The following RAB11FIP5 variants were observed in gnomAD, a reference collection of about 807,000 sequenced individuals.
RAB11FIP5 encodes the protein rab11 family-interacting protein 5.
Under a neutral mutation model 85.1 loss-of-function variants are expected in RAB11FIP5, and 48 were observed. That is an observed-to-expected ratio of 0.56 (90% CI 0.45 to 0.72). The LOEUF (loss-of-function observed/expected upper bound fraction) is 0.72. Among genes scored for constraint, RAB11FIP5 ranks in the 30% least tolerant of loss-of-function variants. The pLI is 0.00. For synonymous variants in RAB11FIP5, 729 were observed against 727.3 expected, an observed-to-expected ratio of 1.00 and a Z score of -0.04; for missense variants, 1,491 against 1,687.0, an observed-to-expected ratio of 0.88 and a Z score of 2.04.
chr2:73,109,628 C>T (rs1194412159), intron 1 of RAB11FIP5, among the ~76,000 whole-genome samples: 2 of 152,306 alleles, frequency 1.3e-5, no homozygotes, highest in African/African-American at 4.8e-5. Context: ...GAGCTGCGGG[C>T]TTATCTGAGC....
Position 73,112,464 on chromosome 2 carries a change from G to T in RAB11FIP5, c.314C>A (p.Ala105Asp), listed in dbSNP as rs1270315071. ...CATGGTGGTGAGCACCAGCTCGCAG[G>T]CGGCGGCGGAGCTCGCGGCCCAGGG... The part of the protein sequence containing the change: ...PAPWAASSAA[A>D]CELVLTTMHR... Residue 105 changes from alanine to aspartate, a missense_variant, in exon 1 of 6, where the codon GCC (alanine) becomes GAC (aspartate). Transcript: ENST00000486777. 1 of 1,490,786 alleles carries T rather than the reference G, an allele frequency of 6.7e-7. No homozygotes were observed. The allele number at this position is 1,490,786 out of a possible 1,614,324, so 92.3% of individuals were successfully genotyped here.
chr2:73,095,325 T>C (rs906683755), intron 1 of RAB11FIP5, among the ~76,000 whole-genome samples: 7 of 152,234 alleles, frequency 4.6e-5, no homozygotes, highest in Admixed American at 3.9e-4. Context: ...ACGCAGCTAC[T>C]GATGCTGCTC....
In RAB11FIP5 at chr2:73,089,393, CA is replaced by C; in HGVS notation, c.432-79del. On this transcript the variant is annotated intron_variant, in intron 1 of 5. Coordinates refer to ENST00000486777, the MANE Select transcript of RAB11FIP5 (RefSeq NM_001371272.1). The surrounding 1 kb of genome is among the most constrained non-coding windows in gnomAD (Gnocchi z 4.6). ...CTCCCGCCCGGTACCAGGCACTGCCCAGACCCCTCCTTGCTCTGAGAGCCAC... is the reference window on the plus strand; with the variant it reads ...CTCCCGCCCGGTACCAGGCACTGCCCGACCCCTCCTTGCTCTGAGAGCCAC... 2 of 1,439,064 alleles carry C rather than the reference CA, an allele frequency of 1.4e-6. No individual in the cohort carries two copies. Among genetic ancestry groups the C allele is most frequent in the Non-Finnish European group, 1.9e-6 (2 of 1,031,870 alleles). 89.1% of individuals were successfully genotyped at this position (1,439,064 alleles called of 1,614,324 possible).
At position 73,081,120 on chromosome 2, in the gene RAB11FIP5, T is replaced by C; in HGVS notation, c.2112A>G (p.Gly704=). The change falls in exon 4 of 6, where the codon GGA becomes GGG. Residue 704 remains glycine (G), a synonymous_variant. Coordinates refer to ENST00000486777, the MANE Select transcript of RAB11FIP5 (RefSeq NM_001371272.1). The surrounding 1 kb of genome is among the most constrained non-coding windows in gnomAD (Gnocchi z 4.2). ...AEPQGEPGGG[G]GGGGGGGGRG... ...TTCCTCCTCCTCCTCCTCCTCCTCC[T>C]CCTCCTCCCCCAGGCTCTCCCTGGG... is the stretch of plus-strand genomic sequence containing the variant. 1 of 1,234,050 alleles carries C rather than the reference T, an allele frequency of 8.1e-7. No homozygotes were observed. The highest frequency in any genetic ancestry group is 1.0e-6 in the Non-Finnish European group (1 of 989,584). The allele number at this position is 1,234,050 out of a possible 1,614,324, so 76.4% of individuals were successfully genotyped here.
At chr2:73,082,783 T>C (rs933777955) in intron 3 of RAB11FIP5, among the ~76,000 whole-genome samples, 18 of 152,194 alleles carry the variant, frequency 1.2e-4, no homozygotes, top group Admixed American at 5.9e-4. Context: ...CCCCCTGCAC[T>C]GGTGCTTATC....
chr2:73,100,538 G>A (rs993205163), intron 1 of RAB11FIP5, among the ~76,000 whole-genome samples: 23 of 144,778 alleles, frequency 1.6e-4, no homozygotes, highest in Admixed American at 2.9e-4. Flanking sequence ...CAATTCTTAT[G>A]CCTCAGCCTC....
At chr2:73,109,234 A>T (rs576366308) in intron 1 of RAB11FIP5, among the ~76,000 whole-genome samples, 1 of 152,230 alleles carries the variant, frequency 6.6e-6, no homozygotes, top group Admixed American at 6.5e-5. Context: ...ATTATTTGGA[A>T]GCCTCTGGTG....
chr2:73,088,192 C>G lies in RAB11FIP5; in HGVS notation c.1426G>C (p.Glu476Gln). ...HHHHQGLSRSELGRRSSLGEK... is the reference protein window; with the variant it reads ...HHHHQGLSRSQLGRRSSLGEK... ...CCCAGAGAGCTTCGGCGACCCAACT[C>G]GCTCCGACTTAGGCCTTGGTGGTGG... is the stretch of plus-strand genomic sequence containing the variant. The change falls in exon 3 of 6, where the codon GAG (glutamate) becomes CAG (glutamine). Residue 476 changes from glutamate to glutamine, a missense_variant. Glu to Gln is a conservative substitution (Grantham distance 29). Transcript: ENST00000486777. 6.2e-7 allele frequency: 1 copy of G among 1,614,032 alleles called. No homozygotes were observed. The highest frequency in any genetic ancestry group is 8.5e-7 in the Non-Finnish European group (1 of 1,180,032).
chr2:73,076,432 C>G (rs1260643555), intron 4 of RAB11FIP5, among the ~76,000 whole-genome samples: 1 of 152,172 alleles, frequency 6.6e-6, no homozygotes, highest in Non-Finnish European at 1.5e-5. Flanking sequence ...ACCGGGTGAA[C>G]TGACCCTTTC....
chr2:73,091,494 G>A (rs976550691), intron 1 of RAB11FIP5, among the ~76,000 whole-genome samples: 5 of 151,988 alleles, frequency 3.3e-5, no homozygotes, highest in African/African-American at 7.3e-5. Flanking sequence ...TACCCAAGCC[G>A]CAGTCAGTGA....
At position 73,089,722 on chromosome 2, in the gene RAB11FIP5, C is replaced by G. The variant is rs1169047349; in HGVS notation, c.432-407G>C. 1 of 332,744 alleles carries G rather than the reference C, an allele frequency of 3.0e-6. No homozygotes were observed. Among genetic ancestry groups the G allele is most frequent in the African/African-American group, 2.2e-5 (1 of 46,314 alleles). 20.6% of individuals were successfully genotyped at this position (332,744 alleles called of 1,614,324 possible). A position where few individuals can be genotyped will look rare whatever the true frequency, so the allele number is the denominator to read the frequency against. On this transcript the variant is annotated intron_variant, in intron 1 of 5. Coordinates refer to ENST00000486777, the MANE Select transcript of RAB11FIP5 (RefSeq NM_001371272.1). This position sits in a 1 kb window ranked among gnomAD's most constrained non-coding sequence, Gnocchi z 4.6. The stretch of plus-strand genomic sequence containing the variant: ...GCCCTCCCATCTCCAGGCCCCAGCA[C>G]AGACAGACCTACCCACATTTCTCCC...
chr2:73,079,583 C>A (rs1290634506), intron 4 of RAB11FIP5, 68 bp downstream of exon 4: 2 of 1,231,852 alleles, frequency 1.6e-6, no homozygotes, highest in African/African-American at 3.1e-5. Flanking sequence ...ACCCCTCAGT[C>A]CCTTGGGCTG....
intron 1 of RAB11FIP5, among the ~76,000 whole-genome samples, chr2:73,090,012 G>A (rs1271483429): frequency 1.3e-5 from 2 of 152,056 alleles, no homozygotes; most frequent in African/African-American, 2.4e-5. Context: ...CAGGAAAGAC[G>A]AAGAGCGCTC....
At chr2:73,105,163 G>A (rs867778075) in intron 1 of RAB11FIP5, among the ~76,000 whole-genome samples, 1 of 152,212 alleles carries the variant, frequency 6.6e-6, no homozygotes, top group South Asian at 2.1e-4. Context: ...AGCCCTGCTT[G>A]AAAGGAGCAA....
At chr2:73,099,043 T>C (rs977212123) in intron 1 of RAB11FIP5, among the ~76,000 whole-genome samples, 2 of 151,008 alleles carry the variant, frequency 1.3e-5, no homozygotes, top group African/African-American at 4.9e-5. Flanking sequence ...GTTTTTTTTT[T>C]CTTTTTTCTT....
At chr2:73,079,498 CA>C (rs1683924973) in intron 4 of RAB11FIP5, among the ~76,000 whole-genome samples, 152 bp downstream of exon 4, 1 of 152,190 alleles carries the variant, frequency 6.6e-6, no homozygotes, top group South Asian at 2.1e-4. Context: ...CTCCTGTCTT[CA>C]AAGCCTGTAC....
chr2:73,079,398 G>A (rs1169849668), intron 4 of RAB11FIP5, among the ~76,000 whole-genome samples: 1 of 152,168 alleles, frequency 6.6e-6, no homozygotes, highest in Non-Finnish European at 1.5e-5. Context: ...CACCTCATCA[G>A]TGCTGTTCTC....
intron 1 of RAB11FIP5, among the ~76,000 whole-genome samples, chr2:73,095,445 G>A (rs1233861227): frequency 6.6e-6 from 1 of 152,206 alleles, no homozygotes; most frequent in Non-Finnish European, 1.5e-5. Context: ...ACCTGAGAGA[G>A]CTCCCAGCTA....
chr2:73,073,963 CCTCA>C lies in RAB11FIP5; in HGVS notation c.*1554_*1557del, dbSNP rs769203065. 18 of 152,170 alleles carry C rather than the reference CCTCA, an allele frequency of 1.2e-4. No individual in the cohort carries two copies. Among genetic ancestry groups the C allele is most frequent in the Non-Finnish European group, 2.1e-4 (14 of 68,046 alleles). 9.4% of individuals were successfully genotyped at this position (152,170 alleles called of 1,614,324 possible). A position where few individuals can be genotyped will look rare whatever the true frequency, so the allele number is the denominator to read the frequency against. On this transcript the variant is annotated 3_prime_UTR_variant, in exon 6 of 6. Coordinates refer to ENST00000486777, the MANE Select transcript of RAB11FIP5 (RefSeq NM_001371272.1). ...GGTGGTCCCAGAGGAGCTCTTGCCT[CCTCA>C]CTAAGCTGTTAAGTATCCTTCTTCA...
Sources: allele counts gnomAD v4.1 joint callset (sites outside exome capture counted in the v4.1 genomes callset), GRCh38; gene constraint gnomAD v4.1.1; non-coding constraint Gnocchi (gnomAD v3.1); transcripts MANE v1.5; gene names NCBI Gene and HGNC (gene_info 2026-07-23, HGNC 2026-07-21).